FAR2: variants seen among roughly 807,000 people sequenced by gnomAD.
FAR2 encodes the protein fatty acyl-CoA reductase 2, also known as epididymis secretory protein Li 81.
In FAR2, 19 loss-of-function variants were observed where a neutral mutation model predicts 56.0. The observed-to-expected ratio is 0.34, with a 90% CI of 0.24 to 0.50. FAR2 has a LOEUF of 0.50. FAR2 is among the 20% of genes least tolerant of loss of function. The pLI is 0.98. For missense variants in FAR2, 508 were observed against 642.2 expected, an observed-to-expected ratio of 0.79 and a Z score of 2.26; for synonymous variants, 219 against 218.8, an observed-to-expected ratio of 1.00 and a Z score of -0.01.
At chr12:29,152,058 GT>G (rs1473424126) in intron 1 of FAR2, among the ~76,000 whole-genome samples, 8 of 152,250 alleles carry the variant, frequency 5.3e-5, no homozygotes, top group African/African-American at 1.4e-4. Context: ...AGTATTCAGT[GT>G]GTTAAATACT....
chr12:29,211,941 C>G (rs1168991203), intron 1 of FAR2, among the ~76,000 whole-genome samples: 1 of 149,870 alleles, frequency 6.7e-6, no homozygotes, highest in Non-Finnish European at 1.5e-5. Flanking sequence ...GGGAGAAAAC[C>G]ATGTGAATAA....
At chr12:29,160,367 C>T (rs991162020) in intron 1 of FAR2, among the ~76,000 whole-genome samples, 1 of 152,212 alleles carries the variant, frequency 6.6e-6, no homozygotes, top group Non-Finnish European at 1.5e-5. Flanking sequence ...CCATTCCCTA[C>T]AGTAGCCTTG....
At chr12:29,228,737 GCCAC>G (rs1300117104) in intron 1 of FAR2, among the ~76,000 whole-genome samples, 2 of 152,100 alleles carry the variant, frequency 1.3e-5, no homozygotes, top group Non-Finnish European at 1.5e-5. Context: ...ACAGGTGCCC[GCCAC>G]CATGCCTGGC....
intron 1 of FAR2, among the ~76,000 whole-genome samples, chr12:29,208,124 T>C (rs1320111306): frequency 1.3e-5 from 2 of 152,278 alleles, no homozygotes; most frequent in East Asian, 1.9e-4. Context: ...GCTTTGCAGC[T>C]GACTAGAAGC....
chr12:29,262,773 A>G (rs1456535372), intron 1 of FAR2, among the ~76,000 whole-genome samples: 35 of 152,182 alleles, frequency 2.3e-4, no homozygotes, highest in Non-Finnish European at 1.0e-4. Flanking sequence ...AAATAACAAA[A>G]TGGCAGAGGG....
At chr12:29,249,624 G>A (rs1948177414) in intron 1 of FAR2, among the ~76,000 whole-genome samples, 1 of 152,142 alleles carries the variant, frequency 6.6e-6, no homozygotes, top group African/African-American at 2.4e-5. Context: ...TTACTTTAGT[G>A]CAACTAGAAA....
chr12:29,197,377 G>A (rs1950152530), intron 1 of FAR2, among the ~76,000 whole-genome samples: 1 of 152,246 alleles, frequency 6.6e-6, no homozygotes, highest in East Asian at 1.9e-4. Context: ...GGCTACTTAG[G>A]CAAGGCTTAC....
At chr12:29,232,002 A>G (rs1476812995) in intron 1 of FAR2, among the ~76,000 whole-genome samples, 1 of 152,236 alleles carries the variant, frequency 6.6e-6, no homozygotes, top group Non-Finnish European at 1.5e-5. Context: ...GCATGATATT[A>G]TGGCCTATGA....
At chr12:29,287,931 G>T (rs1382040001) in intron 2 of FAR2, among the ~76,000 whole-genome samples, 1 of 152,130 alleles carries the variant, frequency 6.6e-6, no homozygotes, top group Non-Finnish European at 1.5e-5. Context: ...TAATAAAAAT[G>T]CAGTCTTGAT....
At position 29,312,182 on chromosome 12, in the gene FAR2, T is replaced by C. The variant is rs150104913; in HGVS notation, c.955+232T>C. 1.1e-4 allele frequency among the ~76,000 whole-genome samples: 16 copies of C among 152,258 alleles called. No individual in the cohort carries two copies. The East Asian group carries it at 2.3e-3, about 22-fold the overall frequency. On this transcript the variant is annotated intron_variant, in intron 8 of 11. Transcript: ENST00000536681. ...AAGATTGTAAGCAGTAAGGGGTCCATTGGCTATAGCGATTTTAAAAATGAT... is the reference window on the plus strand; with the variant it reads ...AAGATTGTAAGCAGTAAGGGGTCCACTGGCTATAGCGATTTTAAAAATGAT...
At chr12:29,253,325 CTAGA>C (rs1304472999) in intron 1 of FAR2, among the ~76,000 whole-genome samples, 1 of 146,490 alleles carries the variant, frequency 6.8e-6, no homozygotes, top group African/African-American at 2.6e-5. Flanking sequence ...CTATATCTAT[CTAGA>C]TAGATATCTA....
At chr12:29,248,874 A>G (rs2136674073) in intron 1 of FAR2, among the ~76,000 whole-genome samples, 1 of 152,332 alleles carries the variant, frequency 6.6e-6, no homozygotes, top group Middle Eastern at 3.4e-3. Flanking sequence ...TTTGCTTTTG[A>G]AAGAAGAGAT....
At chr12:29,258,381 G>A (rs922204911) in intron 1 of FAR2, among the ~76,000 whole-genome samples, 4 of 151,870 alleles carry the variant, frequency 2.6e-5, no homozygotes, top group African/African-American at 4.8e-5. Context: ...AAATCGCAGG[G>A]ATATGTAATA....
chr12:29,308,707 C>CAT (rs1253144255), intron 5 of FAR2, among the ~76,000 whole-genome samples: 10,264 of 136,584 alleles, frequency 0.075, 464 homozygotes, highest in Middle Eastern at 0.098. Context: ...CACACACACA[C>CAT]ACACACACAC....
chr12:29,178,791 G>T (rs755628953), intron 1 of FAR2, among the ~76,000 whole-genome samples: 6 of 152,160 alleles, frequency 3.9e-5, no homozygotes, highest in East Asian at 1.9e-4. Context: ...CTTAATTTAC[G>T]TGTTTATTGA....
intron 1 of FAR2, among the ~76,000 whole-genome samples, chr12:29,192,208 A>T (rs1950108440): frequency 6.6e-6 from 1 of 152,256 alleles, no homozygotes; most frequent in Non-Finnish European, 1.5e-5. Flanking sequence ...CACAGTGAAT[A>T]ATTCTCTCCA....
At chr12:29,257,727 C>A (rs551293215) in intron 1 of FAR2, among the ~76,000 whole-genome samples, 19 of 152,120 alleles carry the variant, frequency 1.2e-4, no homozygotes, top group Middle Eastern at 3.4e-3. Context: ...CCTGAGCCAG[C>A]GAGACCACGA....
intron 10 of FAR2, among the ~76,000 whole-genome samples, chr12:29,324,531 T>C (rs1949611202): frequency 6.6e-6 from 1 of 152,160 alleles, no homozygotes; most frequent in African/African-American, 2.4e-5. Flanking sequence ...GGGAAGCCCA[T>C]CAGACTAACA....
intron 1 of FAR2, among the ~76,000 whole-genome samples, chr12:29,230,761 C>T (rs1226873489): frequency 6.6e-6 from 1 of 151,968 alleles, no homozygotes; most frequent in Admixed American, 6.6e-5. Flanking sequence ...CAAGGGTGGC[C>T]TCAACATCTT....
Sources: allele counts gnomAD v4.1 joint callset (sites outside exome capture counted in the v4.1 genomes callset), GRCh38; gene constraint gnomAD v4.1.1; transcripts MANE v1.5; gene names NCBI Gene and HGNC (gene_info 2026-07-23, HGNC 2026-07-21).